The following LHFPL3 variants were observed in gnomAD, a reference collection of about 807,000 sequenced individuals.
LHFPL3 encodes LHFPL tetraspan subfamily member 3.
A neutral mutation model predicts 19.3 loss-of-function variants in LHFPL3; 5 were observed. The ratio of observed to expected loss-of-function variants is 0.26; its 90% CI spans 0.14 to 0.54. The LOEUF (loss-of-function observed/expected upper bound fraction) is 0.54, where lower values mean the gene tolerates loss of function less well. Among genes scored for constraint, LHFPL3 ranks in the 20% least tolerant of loss-of-function variants. The pLI, the probability that LHFPL3 is intolerant of heterozygous loss-of-function variation, is 0.94. For missense variants in LHFPL3, 249 were observed against 307.4 expected (o/e 0.81, Z 1.42); for synonymous variants, 133 against 126.2 (o/e 1.05, Z -0.36).
chr7:104,559,944 G>T (rs1481859394), intron 1 of LHFPL3, among the ~76,000 whole-genome samples: 1 of 150,002 alleles, frequency 6.7e-6, no homozygotes, highest in Non-Finnish European at 1.5e-5. Context: ...TAATCATGTG[G>T]TTTTTGTCGT....
chr7:104,668,288 T>C, intron 1 of LHFPL3: 2 of 1,607,442 alleles, frequency 1.2e-6, no homozygotes, highest in African/African-American at 2.7e-5. Context: ...AAGACAGGGA[T>C]GATCCTCCTT....
chr7:104,867,799 C>T (rs1487643968), intron 2 of LHFPL3, among the ~76,000 whole-genome samples: 1 of 152,192 alleles, frequency 6.6e-6, no homozygotes, highest in Non-Finnish European at 1.5e-5. Context: ...AGACCAATAT[C>T]CCTGATGAAC....
At chr7:104,819,232 AAC>A (rs1790628578) in intron 2 of LHFPL3, among the ~76,000 whole-genome samples, 1 of 152,178 alleles carries the variant, frequency 6.6e-6, no homozygotes, top group Non-Finnish European at 1.5e-5. Context: ...ATAATTCTAA[AAC>A]AGATGTTCCC....
intron 2 of LHFPL3, among the ~76,000 whole-genome samples, chr7:104,775,305 A>T (rs1794620706): frequency 6.6e-6 from 1 of 152,192 alleles, no homozygotes; most frequent in Non-Finnish European, 1.5e-5. Flanking sequence ...CTGAGGAAGG[A>T]GAATCACTTA....
At chr7:104,769,860 AG>A (rs1313729342) in intron 2 of LHFPL3, among the ~76,000 whole-genome samples, 1 of 149,304 alleles carries the variant, frequency 6.7e-6, no homozygotes, top group Non-Finnish European at 1.5e-5. Context: ...CCATAAAAAA[AG>A]GATGAGTTTA....
chr7:104,778,473 T>A (rs1248860984), intron 2 of LHFPL3, among the ~76,000 whole-genome samples: 2 of 152,168 alleles, frequency 1.3e-5, no homozygotes, highest in Non-Finnish European at 2.9e-5. Context: ...CTCCCCAGAT[T>A]CCCATGGAAG....
At chr7:104,704,039 T>C (rs966117353) in intron 1 of LHFPL3, among the ~76,000 whole-genome samples, 2 of 152,222 alleles carry the variant, frequency 1.3e-5, no homozygotes, top group African/African-American at 4.8e-5. Context: ...TAAGCTGCTA[T>C]AAGTTCTCCT....
chr7:104,386,716 G>A (rs1285558472), intron 1 of LHFPL3, among the ~76,000 whole-genome samples: 2 of 152,210 alleles, frequency 1.3e-5, no homozygotes, highest in African/African-American at 2.4e-5. Context: ...ATGGGAGACT[G>A]TTGATTCAAG....
chr7:104,513,516 G>C (rs1793862037), intron 1 of LHFPL3, among the ~76,000 whole-genome samples: 1 of 152,224 alleles, frequency 6.6e-6, no homozygotes, highest in Non-Finnish European at 1.5e-5. Flanking sequence ...TGGTGTTCCT[G>C]TGGTTTTAAT....
chr7:104,641,768 C>A (rs1459074165), intron 1 of LHFPL3, among the ~76,000 whole-genome samples: 1 of 152,072 alleles, frequency 6.6e-6, no homozygotes, highest in Non-Finnish European at 1.5e-5. Flanking sequence ...CACAAGATTG[C>A]CTGTTCACAT....
intron 2 of LHFPL3, among the ~76,000 whole-genome samples, chr7:104,816,946 T>A (rs1368315710): frequency 6.6e-6 from 1 of 152,228 alleles, no homozygotes; most frequent in African/African-American, 2.4e-5. Flanking sequence ...CACTTCTGAC[T>A]GTGACCACCT....
chr7:104,499,429 G>C (rs1323859526), intron 1 of LHFPL3, among the ~76,000 whole-genome samples: 1 of 152,200 alleles, frequency 6.6e-6, no homozygotes, highest in Non-Finnish European at 1.5e-5. Context: ...GGAAGAAACT[G>C]TTAAGGTTGC....
At chr7:104,716,847 T>C (rs140649482) in intron 1 of LHFPL3, among the ~76,000 whole-genome samples, 6 of 152,246 alleles carry the variant, frequency 3.9e-5, no homozygotes, top group African/African-American at 1.4e-4. Flanking sequence ...CATGGAACCA[T>C]GAAGGACCCT....
intron 1 of LHFPL3, among the ~76,000 whole-genome samples, chr7:104,430,419 C>CGTGT (rs1791959491): frequency 0.01 from 149 of 14,576 alleles, 4 homozygotes; most frequent in Middle Eastern, 0.05. Flanking sequence ...TATATATATA[C>CGTGT]ATATATATAT....
At chr7:104,369,084 T>C (rs1032616792) in intron 1 of LHFPL3, among the ~76,000 whole-genome samples, 1 of 152,194 alleles carries the variant, frequency 6.6e-6, no homozygotes. Context: ...ACTCAAAAAT[T>C]TGTTCATTAA....
intron 1 of LHFPL3, among the ~76,000 whole-genome samples, chr7:104,498,345 T>G (rs1009515850): frequency 6.6e-6 from 1 of 152,168 alleles, no homozygotes; most frequent in African/African-American, 2.4e-5. Context: ...GCAATGAGGC[T>G]TCCCTTGTCA....
intron 1 of LHFPL3, among the ~76,000 whole-genome samples, chr7:104,532,813 G>C (rs991475047): frequency 6.6e-6 from 1 of 152,140 alleles, no homozygotes; most frequent in Non-Finnish European, 1.5e-5. Context: ...AGGCCTGCCT[G>C]GTTAATTTAG....
intron 1 of LHFPL3, among the ~76,000 whole-genome samples, chr7:104,428,136 G>A (rs936193713): frequency 6.6e-6 from 1 of 152,098 alleles, no homozygotes; most frequent in African/African-American, 2.4e-5. Flanking sequence ...AAATTATGCA[G>A]CCTTTGCCTA....
intron 1 of LHFPL3, among the ~76,000 whole-genome samples, chr7:104,454,176 A>C (rs1792497609): frequency 6.6e-6 from 1 of 152,152 alleles, no homozygotes; most frequent in Non-Finnish European, 1.5e-5. Flanking sequence ...GAACAGCTCC[A>C]CCTTTTTCAT....
Sources: allele counts gnomAD v4.1 joint callset (sites outside exome capture counted in the v4.1 genomes callset), GRCh38; gene constraint gnomAD v4.1.1; transcripts MANE v1.5; gene names NCBI Gene and HGNC (gene_info 2026-07-23, HGNC 2026-07-21).